Variants in RPTOR observed in about 807,000 individuals in gnomAD.
The protein encoded by RPTOR is regulatory-associated protein of mTOR.
In RPTOR, 21 loss-of-function variants were observed where a neutral mutation model predicts 169.9. The observed-to-expected ratio is 0.12, with a 90% CI of 0.09 to 0.18. RPTOR has a LOEUF of 0.18. Among genes scored for constraint, RPTOR ranks in the 10% least tolerant of loss-of-function variants. The pLI is 1.00. For synonymous variants in RPTOR, 732 were observed against 753.2 expected, an observed-to-expected ratio of 0.97 and a Z score of 0.46; for missense variants, 1,133 against 1,855.9, an observed-to-expected ratio of 0.61 and a Z score of 7.16.
Position 80,912,592 on chromosome 17 carries a change from T to C in RPTOR, c.2520+3663T>C, listed in dbSNP as rs182076622. ...CTCTTGGGAAGCTCTCGAGCCTGTG[T>C]AGCACAGAAGCCACTGCTCTCTGCT... is the stretch of plus-strand genomic sequence containing the variant. On this transcript the variant is annotated intron_variant, in intron 21 of 33. Transcript: ENST00000306801. 2.0e-5 allele frequency among the ~76,000 whole-genome samples: 3 copies of C among 152,318 alleles called. No individual in the cohort carries two copies. The East Asian group carries it at 5.8e-4, about 29-fold the overall frequency.
chr17:80,665,525 A>C lies in RPTOR; in HGVS notation c.348+21715A>C, dbSNP rs202120700. Among the ~76,000 whole-genome samples the C allele has an allele frequency of 6.1e-4, 18 of 29,716 alleles. 3 individuals carry two copies. In the East Asian group the frequency reaches 0.012, roughly 20 times the overall value. The allele number at this position is 29,716 out of a possible 152,430, so 19.5% of individuals were successfully genotyped here. ...TTCCATGTCCTTTCCTTTCCTTTCC[A>C]TGTCCTTTCCTTTCCTTTTCCTTTC... On this transcript the variant is annotated intron_variant, in intron 3 of 33. Transcript: ENST00000306801.
intron 13 of RPTOR, among the ~76,000 whole-genome samples, chr17:80,874,581 C>T (rs1317857537): frequency 1.3e-5 from 2 of 152,162 alleles, no homozygotes; most frequent in African/African-American, 4.8e-5. Context: ...GGGTGAAGGT[C>T]TGAGGCGGAA....
chr17:80,724,433 A>C (rs1305213648), intron 4 of RPTOR, among the ~76,000 whole-genome samples: 1 of 151,104 alleles, frequency 6.6e-6, no homozygotes, highest in Non-Finnish European at 1.5e-5. Context: ...TAAATACCCC[A>C]GTTTGTATAA....
Position 80,679,935 on chromosome 17 carries a change from G to A in RPTOR, c.349-27906G>A, listed in dbSNP as rs1244343688. 5.3e-5 allele frequency among the ~76,000 whole-genome samples: 8 copies of A among 151,982 alleles called. No homozygotes were observed. The South Asian group carries it at 6.2e-4, about 12-fold the overall frequency. ...ACGGTTCCCCAGAGCCCAGAGAGGCGGAGGGAGCCCCATGGTCCCTGTCCT... is the reference window on the plus strand; with the variant it reads ...ACGGTTCCCCAGAGCCCAGAGAGGCAGAGGGAGCCCCATGGTCCCTGTCCT... On this transcript the variant is annotated intron_variant, in intron 3 of 33. Transcript: ENST00000306801.
At chr17:80,922,848 C>T (rs373299513) in intron 22 of RPTOR, 21 bp downstream of exon 22, 5 of 1,539,438 alleles carry the variant, frequency 3.2e-6, no homozygotes, top group East Asian at 2.4e-5. Flanking sequence ...CCCGCTCAGC[C>T]TGCAGGTCCG....
In RPTOR at chr17:80,838,099, C is replaced by G. The variant is rs995854482; in HGVS notation, c.1212+102C>G. On this transcript the variant is annotated intron_variant, in intron 10 of 33. Coordinates refer to ENST00000306801, the MANE Select transcript of RPTOR (RefSeq NM_020761.3). ...GACTGGGGGTGGTGCCCAGGACTCT[C>G]GGGTGTCAGATTTTGTTCACCTGCC... is the stretch of plus-strand genomic sequence containing the variant. 1.3e-4 allele frequency: 118 copies of G among 923,328 alleles called. 1 individual carries two copies. In the South Asian group the frequency reaches 1.4e-3, roughly 11 times the overall value. 57.2% of individuals were successfully genotyped at this position (923,328 alleles called of 1,614,324 possible). A position where few individuals can be genotyped will look rare whatever the true frequency, so the allele number is the denominator to read the frequency against.
intron 5 of RPTOR, among the ~76,000 whole-genome samples, chr17:80,747,203 A>C (rs1443855440): frequency 6.6e-6 from 1 of 152,184 alleles, no homozygotes; most frequent in African/African-American, 2.4e-5. Context: ...GCGACAAAGC[A>C]AGACTCCCTC....
intron 1 of RPTOR, among the ~76,000 whole-genome samples, chr17:80,558,782 G>A (rs1363022339): frequency 6.6e-6 from 1 of 152,160 alleles, no homozygotes; most frequent in Non-Finnish European, 1.5e-5. Context: ...CAGAAGGTCA[G>A]GTGTTGCTGC....
intron 9 of RPTOR, among the ~76,000 whole-genome samples, chr17:80,834,457 C>T (rs899761120): frequency 1.3e-5 from 2 of 152,212 alleles, no homozygotes; most frequent in East Asian, 1.9e-4. Context: ...TTTGTGTCAT[C>T]CCCGCAGCCT....
At chr17:80,737,981 C>T (rs879752119) in intron 5 of RPTOR, among the ~76,000 whole-genome samples, 2 of 150,734 alleles carry the variant, frequency 1.3e-5, no homozygotes, top group African/African-American at 4.8e-5. Flanking sequence ...CCCAAAGCCC[C>T]GCTGGGGAGA....
At position 80,562,945 on chromosome 17, in the gene RPTOR, G is replaced by A. The variant is rs1269582960; in HGVS notation, c.162+17154G>A. Among the ~76,000 whole-genome samples the A allele has an allele frequency of 2.6e-5, 4 of 152,214 alleles. No homozygotes were observed. The highest frequency in any genetic ancestry group is 6.5e-5 in the Admixed American group (1 of 15,284). On this transcript the variant is annotated intron_variant, in intron 1 of 33. Coordinates refer to ENST00000306801, the MANE Select transcript of RPTOR (RefSeq NM_020761.3). This position sits in a 1 kb window ranked among gnomAD's most constrained non-coding sequence, Gnocchi z 4.4. The stretch of plus-strand genomic sequence containing the variant: ...GCTAGGTGTGACCGTCGCCTGCCTT[G>A]CTGCCGATGTCCTGAAGATGCTTCA...
chr17:80,561,786 G>A (rs184683091), intron 1 of RPTOR, among the ~76,000 whole-genome samples: 1 of 152,172 alleles, frequency 6.6e-6, no homozygotes. Flanking sequence ...GTGTGAGAAT[G>A]TGTATATGTG....
chr17:80,954,273 T>G (rs1386020221), intron 28 of RPTOR, among the ~76,000 whole-genome samples: 2 of 152,228 alleles, frequency 1.3e-5, no homozygotes, highest in South Asian at 4.1e-4. Context: ...AGGCACCCAC[T>G]GCCACACCCA....
At chr17:80,776,369 G>A (rs935136611) in intron 6 of RPTOR, among the ~76,000 whole-genome samples, 4 of 137,300 alleles carry the variant, frequency 2.9e-5, no homozygotes, top group South Asian at 2.3e-4. Context: ...GTCTTCCCAG[G>A]CTGGAGTGCA....
intron 2 of RPTOR, among the ~76,000 whole-genome samples, chr17:80,637,447 C>T (rs1489819688): frequency 6.6e-6 from 1 of 152,240 alleles, no homozygotes; most frequent in Non-Finnish European, 1.5e-5. Flanking sequence ...CCCACCCCTG[C>T]TCCGCCCCCC....
intron 1 of RPTOR, among the ~76,000 whole-genome samples, chr17:80,576,307 C>G (rs765433026): frequency 6.6e-6 from 1 of 152,108 alleles, no homozygotes; most frequent in Middle Eastern, 3.2e-3. Context: ...TTCCCTTTTA[C>G]TATTTTTGAA....
intron 1 of RPTOR, among the ~76,000 whole-genome samples, chr17:80,577,883 A>G (rs2064978948): frequency 6.6e-6 from 1 of 152,168 alleles, no homozygotes; most frequent in African/African-American, 2.4e-5. Flanking sequence ...GTCAGTTTGA[A>G]CACTTCTTAG....
Position 80,823,149 on chromosome 17 carries a change from A to G in RPTOR, c.1062A>G (p.Glu354=), listed in dbSNP as rs1226121128. 1 of 1,614,128 alleles carries G rather than the reference A, an allele frequency of 6.2e-7. No individual in the cohort carries two copies. Among genetic ancestry groups the G allele is most frequent in the South Asian group, 1.1e-5 (1 of 91,072 alleles). Residue 354 remains glutamate (E), a synonymous_variant, in exon 9 of 34, where the codon GAA becomes GAG. Transcript: ENST00000306801. This position sits in a 1 kb window ranked among gnomAD's most constrained non-coding sequence, Gnocchi z 4.5. ...ASLFRNFLLA[E]RIMRSYNCTP... ...TGTTTCGAAATTTTTTATTGGCGGA[A>G]AGGATTATGAGGTCGTATAACTGCA...
intron 1 of RPTOR, among the ~76,000 whole-genome samples, chr17:80,559,078 T>G (rs546915081): frequency 1.2e-4 from 18 of 152,150 alleles, no homozygotes; most frequent in Non-Finnish European, 1.9e-4. Flanking sequence ...ACTGTCTCCA[T>G]TAAACACCAA....
Sources: allele counts gnomAD v4.1 joint callset (sites outside exome capture counted in the v4.1 genomes callset), GRCh38; gene constraint gnomAD v4.1.1; non-coding constraint Gnocchi (gnomAD v3.1); transcripts MANE v1.5; gene names NCBI Gene and HGNC (gene_info 2026-07-23, HGNC 2026-07-21).